Variants in HTR2C observed in about 807,000 individuals in gnomAD.
HTR2C encodes the protein 5-hydroxytryptamine receptor 2C.
A neutral mutation model predicts 21.0 loss-of-function variants in HTR2C; 5 were observed. The observed-to-expected ratio is 0.24, with a 90% CI of 0.12 to 0.50. HTR2C has a LOEUF of 0.50. HTR2C is among the 20% of genes least tolerant of loss of function. The pLI is 0.98. For missense variants in HTR2C, 271 were observed against 371.2 expected (o/e 0.73, Z 2.22); for synonymous variants, 150 against 145.3 (o/e 1.03, Z -0.23).
chrX:114,764,925 T>TTTCC (rs1246112334), intron 4 of HTR2C, among the ~76,000 whole-genome samples: 4 of 46,220 alleles, frequency 8.7e-5, no homozygotes, highest in African/African-American at 3.5e-4. Flanking sequence ...CTTTCTTTCT[T>TTTCC]TTCCTTCCTT....
At chrX:114,699,744 C>A (rs889386219) in intron 2 of HTR2C, among the ~76,000 whole-genome samples, 1 of 111,811 alleles carries the variant, frequency 8.9e-6, no homozygotes, top group Admixed American at 9.5e-5. Context: ...GAAAGTCTAC[C>A]TCCACAACTT....
chrX:114,794,589 G>A (rs1386552327), intron 4 of HTR2C, among the ~76,000 whole-genome samples: 4 of 89,097 alleles, frequency 4.5e-5, no homozygotes, highest in African/African-American at 1.3e-4. Flanking sequence ...ATGTGTTCTC[G>A]TTGTTCAATT....
intron 2 of HTR2C, among the ~76,000 whole-genome samples, chrX:114,662,187 C>T (rs1255975916): frequency 9.0e-6 from 1 of 111,443 alleles, no homozygotes; most frequent in African/African-American, 3.3e-5. Context: ...TCATGTAATA[C>T]TTCTTAATTT....
intron 2 of HTR2C, among the ~76,000 whole-genome samples, chrX:114,622,995 A>G (rs1347009347): frequency 8.9e-6 from 1 of 111,738 alleles, no homozygotes; most frequent in Non-Finnish European, 1.9e-5. Context: ...GCAAATATAG[A>G]CATAGTAAAC....
chrX:114,728,099 A>G (rs2069500900), intron 3 of HTR2C, among the ~76,000 whole-genome samples: 1 of 112,237 alleles, frequency 8.9e-6, no homozygotes, highest in Non-Finnish European at 1.9e-5. Flanking sequence ...TGAGAGAAAC[A>G]AGGAAGAATT....
intron 4 of HTR2C, among the ~76,000 whole-genome samples, chrX:114,802,738 C>CTTTCT (rs1488828320): frequency 4.8e-5 from 4 of 83,386 alleles, no homozygotes; most frequent in Admixed American, 1.4e-4. Context: ...TTCTTTCTTT[C>CTTTCT]TTATTATTAT....
At chrX:114,710,507 T>C (rs1932876169) in intron 2 of HTR2C, among the ~76,000 whole-genome samples, 1 of 112,280 alleles carries the variant, frequency 8.9e-6, no homozygotes, top group Non-Finnish European at 1.9e-5. Context: ...TTATTAGTTC[T>C]ATGTGGTAAT....
intron 4 of HTR2C, among the ~76,000 whole-genome samples, chrX:114,783,762 T>C (rs1307591527): frequency 9.0e-6 from 1 of 111,367 alleles, no homozygotes; most frequent in Non-Finnish European, 1.9e-5. Context: ...AACATATAAG[T>C]TAAAATCATA....
At position 114,712,064 on chromosome X, in the gene HTR2C, C is replaced by A. The variant is rs782755167; in HGVS notation, c.-79-14794C>A. On this transcript the variant is annotated intron_variant, in intron 2 of 5. Transcript: ENST00000276198. ...AAGCAACGCTGCCTATGATTTACTA[C>A]TTAAGAACAAATGTTCATGATGATG... is the stretch of plus-strand genomic sequence containing the variant. Among the ~76,000 whole-genome samples the A allele has an allele frequency of 5.5e-4, 62 of 111,841 alleles. 1 individual carries two copies. Among genetic ancestry groups the A allele is most frequent in the African/African-American group, 1.9e-3 (59 of 30,937 alleles).
chrX:114,903,738 A>G lies in HTR2C; in HGVS notation c.551-2851A>G, dbSNP rs370436518. On this transcript the variant is annotated intron_variant, in intron 5 of 5. Coordinates refer to ENST00000276198, the MANE Select transcript of HTR2C (RefSeq NM_000868.4). ...ATGGCCTGTGTGTGAGGCCTTCCCC[A>G]GAAACGTCCAAGTGTGTCTATGAAT... Among the ~76,000 whole-genome samples, 9 of 112,501 alleles carry G rather than the reference A, an allele frequency of 8.0e-5. No homozygotes were observed. In the East Asian group the frequency reaches 2.2e-3, roughly 28 times the overall value.
At chrX:114,611,263 T>C (rs781904909) in intron 1 of HTR2C, among the ~76,000 whole-genome samples, 4 of 112,236 alleles carry the variant, frequency 3.6e-5, no homozygotes, top group African/African-American at 1.3e-4. Flanking sequence ...AACATTTTCA[T>C]TCCCTCCCAG....
At chrX:114,675,380 C>A (rs1047036054) in intron 2 of HTR2C, among the ~76,000 whole-genome samples, 3 of 112,058 alleles carry the variant, frequency 2.7e-5, no homozygotes, top group Non-Finnish European at 3.8e-5. Flanking sequence ...GTAGTACATC[C>A]TTCTAAAATG....
At chrX:114,693,596 C>T (rs1556415397) in intron 2 of HTR2C, among the ~76,000 whole-genome samples, 1 of 111,432 alleles carries the variant, frequency 9.0e-6, no homozygotes, top group Non-Finnish European at 1.9e-5. Context: ...GGTTGTTTTG[C>T]AGCATTTCTG....
chrX:114,835,598 T>C (rs2070773917), intron 4 of HTR2C, among the ~76,000 whole-genome samples: 1 of 111,246 alleles, frequency 9.0e-6, no homozygotes, highest in South Asian at 3.8e-4. Context: ...ATTCTAGTTA[T>C]ACATTCTTCT....
chrX:114,717,114 C>G (rs999718578), intron 2 of HTR2C, among the ~76,000 whole-genome samples: 11 of 110,533 alleles, frequency 1.0e-4, no homozygotes, highest in Admixed American at 9.7e-4. Flanking sequence ...GTCTGTTGCC[C>G]TAGCTGGAGT....
intron 2 of HTR2C, among the ~76,000 whole-genome samples, chrX:114,699,527 A>G (rs1322014635): frequency 8.9e-6 from 1 of 112,122 alleles, no homozygotes; most frequent in Non-Finnish European, 1.9e-5. Flanking sequence ...TGCCTGACAC[A>G]CGGAAGGCCC....
chrX:114,586,507 C>T (rs1927402184), intron 1 of HTR2C, among the ~76,000 whole-genome samples: 2 of 111,641 alleles, frequency 1.8e-5, no homozygotes, highest in Non-Finnish European at 3.8e-5. Flanking sequence ...TCCTGAAATT[C>T]GGAAGGTGGA....
intron 4 of HTR2C, among the ~76,000 whole-genome samples, chrX:114,741,986 T>C (rs1424571624): frequency 9.0e-6 from 1 of 111,173 alleles, no homozygotes; most frequent in African/African-American, 3.3e-5. Context: ...GGAAACCCAA[T>C]CTTTCCAGCC....
chrX:114,731,598 A>G lies in HTR2C; in HGVS notation c.340A>G (p.Ile114Val), dbSNP rs781958638. The G allele has an allele frequency of 8.5e-7, 1 of 1,180,034 alleles. No homozygotes were observed. The highest frequency in any genetic ancestry group is 3.0e-5 in the East Asian group (1 of 33,586). ...LLVMPLSLLAILYDYVWPLPR... is the reference protein window; with the variant it reads ...LLVMPLSLLAVLYDYVWPLPR... ...TGTCATGCCCCTGTCTCTCCTGGCAATCCTTTATGGTAAGTACAATTTTAT... is the reference window on the plus strand; with the variant it reads ...TGTCATGCCCCTGTCTCTCCTGGCAGTCCTTTATGGTAAGTACAATTTTAT... Residue 114 changes from isoleucine to valine, a missense_variant, in exon 4 of 6, where the codon ATC becomes GTC. Around this residue, in one of 5 missense-constraint regions of HTR2C, gnomAD observed 16 missense variants for 19.2 expected, o/e 0.83. Transcript: ENST00000276198.
Sources: allele counts gnomAD v4.1 joint callset (sites outside exome capture counted in the v4.1 genomes callset), GRCh38; gene constraint gnomAD v4.1.1; regional missense constraint gnomAD v4.1.1; transcripts MANE v1.5; gene names NCBI Gene and HGNC (gene_info 2026-07-23, HGNC 2026-07-21).